The following NELL1 variants were observed in gnomAD, a reference collection of about 807,000 sequenced individuals.
The protein encoded by NELL1 is neural EGFL like 1, also known as protein kinase C-binding protein NELL1.
NELL1 carries 76 observed loss-of-function variants against 107.4 expected under a neutral mutation model. That is an observed-to-expected ratio of 0.71 (90% CI 0.59 to 0.86). The LOEUF (loss-of-function observed/expected upper bound fraction) is 0.86. Among genes scored for constraint, NELL1 ranks in the 40% least tolerant of loss-of-function variants. The pLI, the probability that NELL1 is intolerant of heterozygous loss-of-function variation, is 0.00. For synonymous variants in NELL1, 353 were observed against 341.2 expected, an observed-to-expected ratio of 1.03 and a Z score of -0.38; for missense variants, 1,024 against 1,005.5, an observed-to-expected ratio of 1.02 and a Z score of -0.25.
In NELL1 at chr11:21,188,020, C is replaced by T. The variant is rs142859210; in HGVS notation, c.1427-41312C>T. 9.9e-3 allele frequency among the ~76,000 whole-genome samples: 1,498 copies of T among 151,874 alleles called. 35 individuals are homozygous for T. The highest frequency in any genetic ancestry group is 0.048 in the Admixed American group (726 of 15,256). On this transcript the variant is annotated intron_variant, in intron 13 of 19. Transcript: ENST00000357134. ...ATGAAACTGAAACAAGGAAATACCTCTTGAACATCTGAAAGGAGAGCTCAA... is the reference window on the plus strand; with the variant it reads ...ATGAAACTGAAACAAGGAAATACCTTTTGAACATCTGAAAGGAGAGCTCAA...
intron 16 of NELL1, among the ~76,000 whole-genome samples, chr11:21,547,892 G>T (rs1856482598): frequency 6.6e-6 from 1 of 151,824 alleles, no homozygotes; most frequent in Non-Finnish European, 1.5e-5. Context: ...CAATTTCTCA[G>T]CTGAGAAATT....
chr11:21,075,769 GT>G (rs1854120776), intron 12 of NELL1, among the ~76,000 whole-genome samples: 1 of 152,146 alleles, frequency 6.6e-6, no homozygotes, highest in Admixed American at 6.5e-5. Flanking sequence ...GCTCTACAGT[GT>G]TTTCAACTCA....
intron 15 of NELL1, among the ~76,000 whole-genome samples, chr11:21,516,026 C>T (rs182847881): frequency 3.9e-5 from 6 of 152,210 alleles, no homozygotes; most frequent in East Asian, 3.9e-4. Context: ...GTGAGATCCC[C>T]GAGGGCAGAA....
chr11:21,423,639 C>T (rs927574692), intron 15 of NELL1, among the ~76,000 whole-genome samples: 28 of 152,086 alleles, frequency 1.8e-4, no homozygotes, highest in Non-Finnish European at 1.8e-4. Context: ...TTAAAAGACA[C>T]GTGCACGACA....
chr11:20,807,250 T>C (rs1857404619), intron 3 of NELL1, among the ~76,000 whole-genome samples: 1 of 152,208 alleles, frequency 6.6e-6, no homozygotes, highest in Non-Finnish European at 1.5e-5. Flanking sequence ...TCACTGTAGC[T>C]GAATCTGCAT....
At chr11:21,187,988 G>T (rs1307591722) in intron 13 of NELL1, among the ~76,000 whole-genome samples, 1 of 151,640 alleles carries the variant, frequency 6.6e-6, no homozygotes, top group Non-Finnish European at 1.5e-5. Context: ...TGTTTCAAAG[G>T]GTGTCTATGA....
intron 1 of NELL1, among the ~76,000 whole-genome samples, chr11:20,672,182 C>A (rs758276694): frequency 1.3e-5 from 2 of 152,214 alleles, no homozygotes; most frequent in Non-Finnish European, 2.9e-5. Flanking sequence ...CTGGAGGCAG[C>A]CCTCTGATTC....
intron 18 of NELL1, 111 bp downstream of exon 18, chr11:21,571,051 C>T: frequency 1.2e-6 from 1 of 866,656 alleles, no homozygotes; most frequent in Non-Finnish European, 1.8e-6. Context: ...ACAGGGAGCT[C>T]TGTGGGGCCT....
chr11:20,854,263 C>G (rs992462961), intron 4 of NELL1, among the ~76,000 whole-genome samples: 1 of 152,200 alleles, frequency 6.6e-6, no homozygotes, highest in African/African-American at 2.4e-5. Context: ...AAGTCCTTTA[C>G]TGTCTCTGGG....
At chr11:21,235,692 C>CA (rs957688742) in intron 14 of NELL1, among the ~76,000 whole-genome samples, 2 of 152,004 alleles carry the variant, frequency 1.3e-5, no homozygotes, top group African/African-American at 4.8e-5. Flanking sequence ...ACATGGATGA[C>CA]AAAAATCCCT....
chr11:20,811,619 A>G (rs1857503160), intron 3 of NELL1, among the ~76,000 whole-genome samples: 1 of 151,938 alleles, frequency 6.6e-6, no homozygotes, highest in South Asian at 2.1e-4. Context: ...TTCTGTCATC[A>G]ATGTTTTATA....
intron 15 of NELL1, among the ~76,000 whole-genome samples, chr11:21,372,158 A>G (rs1275057945): frequency 1.3e-5 from 2 of 152,132 alleles, no homozygotes; most frequent in Non-Finnish European, 2.9e-5. Context: ...ACCTTTGCGC[A>G]GCGCAAGAGA....
chr11:20,710,961 C>T (rs986030629), intron 2 of NELL1, among the ~76,000 whole-genome samples: 1 of 151,690 alleles, frequency 6.6e-6, no homozygotes, highest in Non-Finnish European at 1.5e-5. Flanking sequence ...TTGTGTTTAT[C>T]TTTTCAAAGA....
At chr11:20,784,205 T>C (rs1394610762) in intron 3 of NELL1, among the ~76,000 whole-genome samples, 2 of 152,228 alleles carry the variant, frequency 1.3e-5, no homozygotes, top group Non-Finnish European at 2.9e-5. Context: ...GAATAGTGTA[T>C]GATCTTCATC....
chr11:20,756,516 A>ATT (rs753445309), intron 2 of NELL1, among the ~76,000 whole-genome samples: 85 of 97,316 alleles, frequency 8.7e-4, no homozygotes, highest in African/African-American at 2.0e-3. Context: ...ATTTTTTGTA[A>ATT]TTTTTTTTTT....
intron 2 of NELL1, among the ~76,000 whole-genome samples, chr11:20,727,809 A>G (rs1855542369): frequency 6.6e-6 from 1 of 152,128 alleles, no homozygotes; most frequent in Admixed American, 6.6e-5. Flanking sequence ...TCAGCTTTCT[A>G]CATATGGCTA....
intron 12 of NELL1, among the ~76,000 whole-genome samples, chr11:21,077,073 G>A (rs1164912000): frequency 1.3e-5 from 2 of 152,088 alleles, no homozygotes; most frequent in Non-Finnish European, 1.5e-5. Flanking sequence ...CCCATTTTAA[G>A]TATGGAAAGG....
chr11:21,212,212 C>G (rs1376055659), intron 13 of NELL1, among the ~76,000 whole-genome samples: 1 of 152,058 alleles, frequency 6.6e-6, no homozygotes, highest in African/African-American at 2.4e-5. Context: ...CTCCCTGTCC[C>G]CATTTATTCA....
At chr11:21,416,797 T>C (rs894596719) in intron 15 of NELL1, among the ~76,000 whole-genome samples, 1 of 152,116 alleles carries the variant, frequency 6.6e-6, no homozygotes, top group African/African-American at 2.4e-5. Context: ...CCCATCTTCA[T>C]TTGCAGTGAC....
Sources: gnomAD v4.1 joint callset for allele counts (sites outside exome capture counted in the v4.1 genomes callset) on GRCh38, gnomAD v4.1.1 for gene constraint, MANE v1.5 for transcripts, NCBI Gene and HGNC (gene_info 2026-07-23, HGNC 2026-07-21) for gene names.